Variants in TANGO6 observed in about 807,000 individuals in gnomAD.
The protein encoded by TANGO6 is transport and golgi organization 6 homolog.
In TANGO6, 90 loss-of-function variants were observed where a neutral mutation model predicts 114.2. The ratio of observed to expected loss-of-function variants is 0.79; its 90% CI spans 0.66 to 0.94. The LOEUF is 0.94. Ranked by LOEUF, TANGO6 falls within the 40% of genes least tolerant of loss-of-function variation. TANGO6 has a pLI of 0.00. For synonymous variants in TANGO6, 477 were observed against 509.8 expected, an observed-to-expected ratio of 0.94 and a Z score of 0.87; for missense variants, 1,274 against 1,315.3, an observed-to-expected ratio of 0.97 and a Z score of 0.49.
At chr16:69,063,541 G>T (rs991898671) in intron 17 of TANGO6, among the ~76,000 whole-genome samples, 1 of 145,548 alleles carries the variant, frequency 6.9e-6, no homozygotes, top group Non-Finnish European at 1.5e-5. Flanking sequence ...AAAAAAATTA[G>T]CCAGTGTGGT....
intron 15 of TANGO6, among the ~76,000 whole-genome samples, chr16:69,003,333 G>T (rs1217994702): frequency 6.6e-6 from 1 of 152,082 alleles, no homozygotes; most frequent in Non-Finnish European, 1.5e-5. Flanking sequence ...ATAAATAAAT[G>T]GCAAAAGTCC....
chr16:69,022,655 G>T (rs1410819461), intron 15 of TANGO6, among the ~76,000 whole-genome samples, 173 bp from the exon 16 acceptor site: 1 of 151,870 alleles, frequency 6.6e-6, no homozygotes, highest in East Asian at 1.9e-4. Context: ...AGTGAGCTGT[G>T]ATTGTGCCAC....
At chr16:69,050,641 C>T (rs893835734) in intron 17 of TANGO6, among the ~76,000 whole-genome samples, 3 of 152,098 alleles carry the variant, frequency 2.0e-5, no homozygotes, top group Admixed American at 2.0e-4. Flanking sequence ...AGGCATGTAC[C>T]ACCATGCCCG....
chr16:68,892,305 A>T (rs1962634004), intron 7 of TANGO6, among the ~76,000 whole-genome samples: 1 of 152,160 alleles, frequency 6.6e-6, no homozygotes, highest in Non-Finnish European at 1.5e-5. Flanking sequence ...GCCTCATATC[A>T]TAGCTGGCTG....
At chr16:68,936,277 A>G (rs1308815566) in intron 14 of TANGO6, among the ~76,000 whole-genome samples, 2 of 152,198 alleles carry the variant, frequency 1.3e-5, no homozygotes, top group African/African-American at 2.4e-5. Context: ...TTTGAAATAG[A>G]TGTTCAATAA....
intron 14 of TANGO6, among the ~76,000 whole-genome samples, chr16:68,953,691 A>T (rs1345366895): frequency 1.3e-5 from 2 of 152,162 alleles, no homozygotes. Context: ...AATAGCTTGT[A>T]AAGTAGACAT....
At chr16:68,970,667 CAAAA>C (rs11291012) in intron 14 of TANGO6, among the ~76,000 whole-genome samples, 3 of 110,592 alleles carry the variant, frequency 2.7e-5, no homozygotes, top group Admixed American at 1.9e-4. Flanking sequence ...AACTTCGTCT[CAAAA>C]AAAAAAAAAA....
At chr16:68,861,573 C>G (rs1396528042) in intron 2 of TANGO6, among the ~76,000 whole-genome samples, 1 of 152,142 alleles carries the variant, frequency 6.6e-6, no homozygotes, top group Non-Finnish European at 1.5e-5. Context: ...TAGTGTGACC[C>G]AGGTTGACAG....
At chr16:69,042,252 T>TA (rs1168409180) in intron 17 of TANGO6, among the ~76,000 whole-genome samples, 1 of 152,088 alleles carries the variant, frequency 6.6e-6, no homozygotes, top group Non-Finnish European at 1.5e-5. Context: ...GGCTGACTCA[T>TA]AAAAACTTCT....
chr16:69,015,464 T>TTTTATTTATTTATTTATTTATTTA (rs60863406), intron 15 of TANGO6, among the ~76,000 whole-genome samples: 93 of 143,940 alleles, frequency 6.5e-4, no homozygotes, highest in Non-Finnish European at 9.2e-4. Context: ...GCTCATTTTA[T>TTTTATTTATTTATTTATTTATTTA]TTTATTTATT....
intron 15 of TANGO6, among the ~76,000 whole-genome samples, chr16:68,985,817 T>C: frequency 6.6e-6 from 1 of 152,232 alleles, no homozygotes; most frequent in East Asian, 1.9e-4. Context: ...TAATATCTCA[T>C]AGAGAAAAAC....
chr16:68,960,012 C>T (rs372861759), intron 14 of TANGO6, among the ~76,000 whole-genome samples: 1 of 152,308 alleles, frequency 6.6e-6, no homozygotes, highest in East Asian at 1.9e-4. Flanking sequence ...ATTTGGCGGA[C>T]AGAGAAGTAC....
intron 15 of TANGO6, among the ~76,000 whole-genome samples, chr16:69,003,050 AAAG>A (rs1412044278): frequency 1.3e-5 from 2 of 151,444 alleles, no homozygotes; most frequent in Non-Finnish European, 3.0e-5. Context: ...TCAAAAAAAA[AAAG>A]AAAGTTTTTA....
At chr16:68,867,293 T>C (rs1596995597) in intron 4 of TANGO6, 73 bp downstream of exon 4, 1 of 1,585,578 alleles carries the variant, frequency 6.3e-7, no homozygotes, top group Non-Finnish European at 8.6e-7. Flanking sequence ...GAATTATTGG[T>C]CTTTAGTATT....
Position 68,986,427 on chromosome 16 carries a change from G to A in TANGO6, c.2842+12259G>A, listed in dbSNP as rs1045465382. Among the ~76,000 whole-genome samples the A allele has an allele frequency of 6.6e-5, 10 of 152,004 alleles. 1 individual carries two copies. In the Middle Eastern group the frequency reaches 0.01, roughly 155 times the overall value. ...GTCCTAGGCTTTACGGGGTGTTTCC[G>A]GCTGTAAAACACCCTGATTCAATGT... On this transcript the variant is annotated intron_variant, in intron 15 of 17. Coordinates refer to ENST00000261778, the MANE Select transcript of TANGO6 (RefSeq NM_024562.2).
At chr16:68,914,573 A>G (rs1303526684) in intron 11 of TANGO6, among the ~76,000 whole-genome samples, 1 of 152,186 alleles carries the variant, frequency 6.6e-6, no homozygotes, top group African/African-American at 2.4e-5. Context: ...GCTATTTTTC[A>G]CTATAAGCTT....
chr16:68,984,765 G>T (rs188720886), intron 15 of TANGO6, among the ~76,000 whole-genome samples: 5 of 151,386 alleles, frequency 3.3e-5, no homozygotes, highest in Non-Finnish European at 7.4e-5. Flanking sequence ...CAAGTGATCT[G>T]CCTGTGTCAG....
intron 15 of TANGO6, among the ~76,000 whole-genome samples, chr16:68,988,692 CTTT>C (rs397855895): frequency 2.7e-5 from 3 of 112,478 alleles, no homozygotes; most frequent in South Asian, 2.8e-4. Flanking sequence ...TTCTCTCTCT[CTTT>C]TTTTTTTTTT....
At chr16:69,030,738 C>T (rs1959580106) in intron 16 of TANGO6, among the ~76,000 whole-genome samples, 1 of 152,094 alleles carries the variant, frequency 6.6e-6, no homozygotes, top group Non-Finnish European at 1.5e-5. Context: ...ACCCTAGGAC[C>T]TCCTTTATGT....
Sources: gnomAD v4.1 joint callset for allele counts (sites outside exome capture counted in the v4.1 genomes callset) on GRCh38, gnomAD v4.1.1 for gene constraint, MANE v1.5 for transcripts, NCBI Gene and HGNC (gene_info 2026-07-23, HGNC 2026-07-21) for gene names.